TCERG1L: variants seen among roughly 807,000 people sequenced by gnomAD.
The protein encoded by TCERG1L is transcription elongation regulator 1 like, also known as transcription elongation regulator 1-like protein.
In TCERG1L, 37 loss-of-function variants were observed where a neutral mutation model predicts 56.3. That is an observed-to-expected ratio of 0.66 (90% confidence interval 0.51 to 0.87). The LOEUF is 0.87. Among genes scored for constraint, TCERG1L ranks in the 40% least tolerant of loss-of-function variants. TCERG1L has a pLI of 0.00. For missense variants in TCERG1L, 799 were observed against 774.2 expected (o/e 1.03, Z -0.38); for synonymous variants, 324 against 326.3 (o/e 0.99, Z 0.08).
intron 7 of TCERG1L, among the ~76,000 whole-genome samples, chr10:131,140,689 G>A (rs1845727740): frequency 6.6e-6 from 1 of 152,224 alleles, no homozygotes; most frequent in Non-Finnish European, 1.5e-5. Flanking sequence ...CAGGGACTGG[G>A]CCAGAACTCA....
intron 4 of TCERG1L, among the ~76,000 whole-genome samples, chr10:131,256,376 CA>C (rs1240475207): frequency 6.6e-6 from 1 of 152,102 alleles, no homozygotes; most frequent in African/African-American, 2.4e-5. Context: ...TGTTCTGTGG[CA>C]GGACAAAATG....
chr10:131,225,568 C>T (rs1845782531), intron 4 of TCERG1L, among the ~76,000 whole-genome samples: 1 of 152,162 alleles, frequency 6.6e-6, no homozygotes, highest in South Asian at 2.1e-4. Context: ...ATTTCAAGAC[C>T]GAGTCCCTAT....
At chr10:131,199,006 T>C (rs1021800959) in intron 4 of TCERG1L, among the ~76,000 whole-genome samples, 6 of 152,140 alleles carry the variant, frequency 3.9e-5, no homozygotes, top group Admixed American at 3.9e-4. Context: ...ATGAGGGGAA[T>C]GGAAACTTGA....
chr10:131,237,136 C>T (rs778085148), intron 4 of TCERG1L, among the ~76,000 whole-genome samples: 3 of 152,000 alleles, frequency 2.0e-5, no homozygotes, highest in African/African-American at 7.3e-5. Context: ...TCACTCCTGA[C>T]GGAGGCTTTC....
At chr10:131,280,185 T>C (rs1162265298) in intron 3 of TCERG1L, among the ~76,000 whole-genome samples, 1 of 142,720 alleles carries the variant, frequency 7.0e-6, no homozygotes, top group Non-Finnish European at 1.5e-5. Flanking sequence ...TTCCAGGTCA[T>C]GGTAGATAAG....
intron 7 of TCERG1L, among the ~76,000 whole-genome samples, chr10:131,136,395 G>A (rs1285170163): frequency 6.6e-6 from 1 of 152,116 alleles, no homozygotes; most frequent in East Asian, 1.9e-4. Flanking sequence ...GAGGGCCTGG[G>A]GTGAGCACTT....
At chr10:131,151,553 A>G (rs528550378) in intron 6 of TCERG1L, among the ~76,000 whole-genome samples, 8 of 152,292 alleles carry the variant, frequency 5.3e-5, no homozygotes. Flanking sequence ...TGCAGGGTAC[A>G]GTCCCCTTCC....
intron 9 of TCERG1L, among the ~76,000 whole-genome samples, chr10:131,105,461 C>T (rs1409198857): frequency 6.6e-6 from 1 of 152,166 alleles, no homozygotes; most frequent in East Asian, 1.9e-4. Context: ...CTCCTCCAGG[C>T]CTCCACATTA....
chr10:131,308,669 G>C (rs561624669), intron 2 of TCERG1L, among the ~76,000 whole-genome samples: 36 of 152,324 alleles, frequency 2.4e-4, no homozygotes, highest in African/African-American at 8.4e-4. Context: ...ACCCCAATGA[G>C]ATAATGACTA....
chr10:131,134,339 AG>A (rs1845651420), intron 8 of TCERG1L, 39 bp downstream of exon 8: 2 of 1,538,716 alleles, frequency 1.3e-6, no homozygotes, highest in Non-Finnish European at 1.8e-6. Flanking sequence ...CTGAGTACAC[AG>A]TAGGGAAAGA....
At chr10:131,146,476 G>A in intron 7 of TCERG1L, 30 bp downstream of exon 7, 1 of 1,573,966 alleles carries the variant, frequency 6.4e-7, no homozygotes. Flanking sequence ...ACACTTCAAA[G>A]GAGGTGTAAA....
intron 3 of TCERG1L, among the ~76,000 whole-genome samples, chr10:131,305,941 A>G (rs1846814756): frequency 1.3e-5 from 2 of 152,138 alleles, no homozygotes; most frequent in Non-Finnish European, 2.9e-5. Flanking sequence ...AATTATTATA[A>G]CATATAAATT....
chr10:131,145,566 G>T (rs1000126015), intron 7 of TCERG1L, among the ~76,000 whole-genome samples: 3 of 152,196 alleles, frequency 2.0e-5, no homozygotes, highest in African/African-American at 7.2e-5. Context: ...GGTTAAAAAT[G>T]CTGATAAAAC....
intron 8 of TCERG1L, among the ~76,000 whole-genome samples, chr10:131,134,028 C>T (rs925500581): frequency 6.6e-6 from 1 of 152,148 alleles, no homozygotes; most frequent in East Asian, 1.9e-4. Context: ...GCTGCCTGAC[C>T]CCTAAACTCA....
At chr10:131,309,435 C>A (rs543471557) in intron 1 of TCERG1L, 136 bp from the exon 2 acceptor site, 1 of 1,186,844 alleles carries the variant, frequency 8.4e-7, no homozygotes. Context: ...TAAATTTCCT[C>A]GAGAAAAACT....
intron 3 of TCERG1L, among the ~76,000 whole-genome samples, chr10:131,282,002 G>A (rs1278091253): frequency 6.6e-6 from 1 of 152,038 alleles, no homozygotes; most frequent in Non-Finnish European, 1.5e-5. Context: ...CAGGCGCGGT[G>A]GCGGGCGCCT....
chr10:131,196,681 C>T (rs1400130321), intron 4 of TCERG1L, among the ~76,000 whole-genome samples: 4 of 152,220 alleles, frequency 2.6e-5, no homozygotes, highest in Admixed American at 6.5e-5. Context: ...GGCCCAGAGT[C>T]TCCGCTTTCT....
intron 4 of TCERG1L, among the ~76,000 whole-genome samples, chr10:131,182,166 A>C (rs1171825255): frequency 6.6e-6 from 1 of 152,214 alleles, no homozygotes; most frequent in East Asian, 1.9e-4. Flanking sequence ...TGTGTATATC[A>C]AATATGCAGG....
rs1846897990 is a variant in TCERG1L at position 131,311,445 on chromosome 10, G to A, written c.191C>T (p.Ala64Val). ...CGGGGCCGCGGGCGGCGGGGCCGAG[G>A]CGAGCAGCACCGGGGGAACCACGAC... ...AGVVVPPVLL[A>V]SAPPPAAPLL... Residue 64 changes from alanine (A) to valine (V), a missense_variant, in exon 1 of 12, where the codon GCC becomes GTC. Coordinates refer to ENST00000368642, the MANE Select transcript of TCERG1L (RefSeq NM_174937.4). This position sits in a 1 kb window ranked among gnomAD's most constrained non-coding sequence, Gnocchi z 4.0. 1 of 1,176,776 alleles carries A rather than the reference G, an allele frequency of 8.5e-7. No individual in the cohort carries two copies. The highest frequency in any genetic ancestry group is 1.0e-6 in the Non-Finnish European group (1 of 954,094). 72.9% of individuals were successfully genotyped at this position (1,176,776 alleles called of 1,614,324 possible).
Sources: gnomAD v4.1 joint callset for allele counts (sites outside exome capture counted in the v4.1 genomes callset) on GRCh38, gnomAD v4.1.1 for gene constraint, Gnocchi (gnomAD v3.1) non-coding constraint, MANE v1.5 for transcripts, NCBI Gene and HGNC (gene_info 2026-07-23, HGNC 2026-07-21) for gene names.